ZNF462: variants seen among roughly 807,000 people sequenced by gnomAD.
The protein encoded by ZNF462 is zinc finger PBX1-interacting protein.
ZNF462 carries 10 observed loss-of-function variants against 201.9 expected under a neutral mutation model. The ratio of observed to expected loss-of-function variants is 0.05; its 90% CI spans 0.03 to 0.08. The LOEUF is 0.08. Among genes scored for constraint, ZNF462 ranks in the 10% least tolerant of loss-of-function variants. The pLI, the probability that ZNF462 is intolerant of heterozygous loss-of-function variation, is 1.00. For synonymous variants in ZNF462, 1,227 were observed against 1,193.3 expected, an observed-to-expected ratio of 1.03 and a Z score of -0.58; for missense variants, 2,523 against 3,168.3, an observed-to-expected ratio of 0.80 and a Z score of 4.89.
chr9:106,932,606 G>C lies in ZNF462; in HGVS notation c.6116+57G>C. On this transcript the variant is annotated intron_variant, in intron 5 of 12. Transcript: ENST00000277225. The surrounding 1 kb of genome is among the most constrained non-coding windows in gnomAD (Gnocchi z 6.8). ...CTGGGAGATGATGTCATAGTGGAAG[G>C]CACTAAGCTAAAGCAGAAGCTTGGA... 1.2e-6 allele frequency: 2 copies of C among 1,610,556 alleles called. No homozygotes were observed. Among genetic ancestry groups the C allele is most frequent in the Non-Finnish European group, 1.7e-6 (2 of 1,177,480 alleles).
At position 106,966,791 on chromosome 9, in the gene ZNF462, C is replaced by G. The variant is rs1449771323; in HGVS notation, c.6428-5214C>G. 6.6e-6 allele frequency among the ~76,000 whole-genome samples: 1 copy of G among 152,092 alleles called. No individual in the cohort carries two copies. Among genetic ancestry groups the G allele is most frequent in the Non-Finnish European group, 1.5e-5 (1 of 67,982 alleles). ...TCTAAAATTTGCTTGCCTAAAATTC[C>G]TTGTCTTTTATTTTTTCTTGGTACT... is the stretch of plus-strand genomic sequence containing the variant. On this transcript the variant is annotated intron_variant, in intron 7 of 12. Coordinates refer to ENST00000277225, the MANE Select transcript of ZNF462 (RefSeq NM_021224.6). The surrounding 1 kb of genome is among the most constrained non-coding windows in gnomAD (Gnocchi z 4.4).
rs779360853 is a variant in ZNF462, at chr9:106,925,979, C to T, written c.2067C>T (p.Pro689=). 5 of 1,613,896 alleles carry T rather than the reference C, an allele frequency of 3.1e-6. No homozygotes were observed. Among genetic ancestry groups the T allele is most frequent in the East Asian group, 2.2e-5 (1 of 44,884 alleles). ...LANDFPLDLS[P]VKKRTRIDEI... The stretch of plus-strand genomic sequence containing the variant: ...ATGACTTTCCTCTAGATTTGTCACC[C>T]GTGAAGAAGAGAACCAGGATTGACG... The change falls in exon 3 of 13, where the codon CCC becomes CCT. Residue 689 remains proline (P), a synonymous_variant. Transcript: ENST00000277225. The surrounding 1 kb of genome is among the most constrained non-coding windows in gnomAD (Gnocchi z 7.9).
intron 1 of ZNF462, among the ~76,000 whole-genome samples, chr9:106,864,039 G>GCTCTCTCTCTCTCTCTCT (rs773917122): frequency 8.8e-5 from 2 of 22,760 alleles, no homozygotes; most frequent in African/African-American, 1.2e-4. Context: ...CAGGTATTTG[G>GCTCTCTCTCTCTCTCTCT]CTCTCTCTCT....
intron 7 of ZNF462, among the ~76,000 whole-genome samples, chr9:106,961,189 GGATA>G (rs1038021030): frequency 5.9e-5 from 9 of 151,986 alleles, no homozygotes; most frequent in Non-Finnish European, 1.2e-4. Flanking sequence ...AAAAAATGAG[GGATA>G]GAGAGCTGCA....
chr9:106,927,803 C>T lies in ZNF462; in HGVS notation c.3891C>T (p.Ser1297=), dbSNP rs1830262092. 2.5e-6 allele frequency: 4 copies of T among 1,614,150 alleles called. No homozygotes were observed. The East Asian group carries it at 8.9e-5, about 36-fold the overall frequency. ...DHPALKATVT[S]IMRWAFLDGL... ...CCGCCCTGAAAGCCACAGTCACGTC[C>T]ATCATGCGATGGGCATTTCTAGATG... Residue 1297 remains serine (S), a synonymous_variant, in exon 3 of 13, where the codon TCC becomes TCT. Coordinates refer to ENST00000277225, the MANE Select transcript of ZNF462 (RefSeq NM_021224.6).
In ZNF462 at chr9:106,932,193, A is replaced by G; in HGVS notation, c.6013-253A>G. ...TTTGGGAGAATGTAGGGAGAAAAAGAAAGCTGGAGGCAATGATGATGGATA... is the reference window on the plus strand; with the variant it reads ...TTTGGGAGAATGTAGGGAGAAAAAGGAAGCTGGAGGCAATGATGATGGATA... On this transcript the variant is annotated intron_variant, in intron 4 of 12. Transcript: ENST00000277225. The surrounding 1 kb of genome is among the most constrained non-coding windows in gnomAD (Gnocchi z 6.8). 1 of 1,531,464 alleles carries G rather than the reference A, an allele frequency of 6.5e-7. No homozygotes were observed. Among genetic ancestry groups the G allele is most frequent in the Non-Finnish European group, 8.8e-7 (1 of 1,141,242 alleles). The allele number at this position is 1,531,464 out of a possible 1,614,324, so 94.9% of individuals were successfully genotyped here. A position where few individuals can be genotyped will look rare whatever the true frequency, so the allele number is the denominator to read the frequency against.
chr9:106,908,026 A>G (rs1829346297), intron 1 of ZNF462, among the ~76,000 whole-genome samples: 1 of 151,910 alleles, frequency 6.6e-6, no homozygotes. Flanking sequence ...TCTTTTTTTT[A>G]ACATACCTTT....
Position 106,960,951 on chromosome 9 carries a change from G to C in ZNF462, c.6428-11054G>C, listed in dbSNP as rs75425326. ...GGATAGTCTGTATGCTACATATCTG[G>C]GATGAGTGCATTTCTAATGGAGGAA... On this transcript the variant is annotated intron_variant, in intron 7 of 12. Coordinates refer to ENST00000277225, the MANE Select transcript of ZNF462 (RefSeq NM_021224.6). 6.2e-3 allele frequency among the ~76,000 whole-genome samples: 949 copies of C among 152,110 alleles called. 11 individuals carry two copies. The highest frequency in any genetic ancestry group is 0.021 in the African/African-American group (853 of 41,484).
Position 106,927,618 on chromosome 9 carries a change from C to T in ZNF462, c.3706C>T (p.Leu1236Phe), listed in dbSNP as rs753597456. The change falls in exon 3 of 13, where the codon CTC becomes TTC. Residue 1236 changes from leucine (L) to phenylalanine (F), a missense_variant. Leu to Phe is a conservative substitution (Grantham distance 22). This residue lies in a region of ZNF462 where 222 missense variants were observed against 271.6 expected (regional missense o/e 0.82). Transcript: ENST00000277225. ...IRQHTATIRS[L>F]CDRNQKKPAS... is the part of the protein sequence containing the mutation. ...GCAGCATACGGCCACCATTCGAAGC[C>T]TCTGCGACCGAAATCAGAAGAAGCC... The T allele has an allele frequency of 1.2e-6, 2 of 1,614,004 alleles. No homozygotes were observed. The highest frequency in any genetic ancestry group is 1.7e-6 in the Non-Finnish European group (2 of 1,180,016).
Position 107,009,570 on chromosome 9 carries a change from G to A in ZNF462, c.7215G>A (p.Gly2405=). The A allele has an allele frequency of 6.2e-7, 1 of 1,613,926 alleles. No individual in the cohort carries two copies. Among genetic ancestry groups the A allele is most frequent in the South Asian group, 1.1e-5 (1 of 91,072 alleles). Reference sequence around the variant, plus strand: ...AGCTGATGAGATTTTCTGACCACGGGGCTGCTCTTAACACTGAGAAGCGTT... The same window carrying A: ...AGCTGATGAGATTTTCTGACCACGGAGCTGCTCTTAACACTGAGAAGCGTT... ...DRELMRFSDH[G]AALNTEKRFP... The change falls in exon 12 of 13, where the codon GGG becomes GGA. Residue 2405 remains glycine, a synonymous_variant. Coordinates refer to ENST00000277225, the MANE Select transcript of ZNF462 (RefSeq NM_021224.6). The surrounding 1 kb of genome is among the most constrained non-coding windows in gnomAD (Gnocchi z 6.1).
intron 7 of ZNF462, among the ~76,000 whole-genome samples, chr9:106,944,169 C>T (rs934643622): frequency 4.6e-5 from 7 of 152,166 alleles, no homozygotes; most frequent in East Asian, 1.9e-4. Flanking sequence ...GGAGCAAGTG[C>T]GCACAATTAT....
intron 1 of ZNF462, among the ~76,000 whole-genome samples, chr9:106,881,052 A>G (rs758870244): frequency 6.6e-6 from 1 of 152,182 alleles, no homozygotes; most frequent in Non-Finnish European, 1.5e-5. Flanking sequence ...GCGTCATTCC[A>G]GGCAGGCCTT....
chr9:106,923,698 G>T lies in ZNF462; in HGVS notation c.220+95G>T. On this transcript the variant is annotated intron_variant, in intron 2 of 12. Transcript: ENST00000277225. This position sits in a 1 kb window ranked among gnomAD's most constrained non-coding sequence, Gnocchi z 5.6. ...ATGGTTCTTAATATACGTGGCTTTT[G>T]CAGAGTTTCTTGTGCTTTGCTAGCC... The T allele has an allele frequency of 1.5e-6, 2 of 1,309,508 alleles. No homozygotes were observed. Among genetic ancestry groups the T allele is most frequent in the Non-Finnish European group, 1.1e-6 (1 of 936,312 alleles). 81.1% of individuals were successfully genotyped at this position (1,309,508 alleles called of 1,614,324 possible).
rs1339524805 is a variant in ZNF462, at chr9:106,954,362, CACTT to C, written c.6427+15259_6427+15262del. Among the ~76,000 whole-genome samples the C allele has an allele frequency of 5.3e-5, 8 of 151,994 alleles. No individual in the cohort carries two copies. The highest frequency in any genetic ancestry group is 4.8e-5 in the African/African-American group (2 of 41,386). On this transcript the variant is annotated intron_variant, in intron 7 of 12. Transcript: ENST00000277225. The surrounding 1 kb of genome is among the most constrained non-coding windows in gnomAD (Gnocchi z 4.0). Reference sequence around the variant, plus strand: ...TAAACCATCAGATCTTGTGATAACTCACTTACTGTCACAAGAATAGCATGGAGGA... The same window carrying C: ...TAAACCATCAGATCTTGTGATAACTCACTGTCACAAGAATAGCATGGAGGA...
chr9:106,916,056 A>AT (rs1290104937), intron 1 of ZNF462, among the ~76,000 whole-genome samples: 2 of 152,132 alleles, frequency 1.3e-5, no homozygotes, highest in Non-Finnish European at 2.9e-5. Flanking sequence ...TTAGATTGAG[A>AT]TTTTCCCCCA....
At chr9:106,941,579 TC>T (rs1830871539) in intron 7 of ZNF462, among the ~76,000 whole-genome samples, 1 of 152,252 alleles carries the variant, frequency 6.6e-6, no homozygotes, top group Admixed American at 6.5e-5. Context: ...TATTTAGTGA[TC>T]CGTACACAAA....
At position 106,902,827 on chromosome 9, in the gene ZNF462, A is replaced by G. The variant is rs1829118282; in HGVS notation, c.-30-20527A>G. ...GATTTTCTCTCTTCTTTTCTTGGTT[A>G]ATTTTGCTAATGGTCTATCAATTTT... On this transcript the variant is annotated intron_variant, in intron 1 of 12. Transcript: ENST00000277225. This position sits in a 1 kb window ranked among gnomAD's most constrained non-coding sequence, Gnocchi z 4.2. Among the ~76,000 whole-genome samples, 1 of 151,864 alleles carries G rather than the reference A, an allele frequency of 6.6e-6. No individual in the cohort carries two copies. Among genetic ancestry groups the G allele is most frequent in the Non-Finnish European group, 1.5e-5 (1 of 67,944 alleles).
At position 106,927,201 on chromosome 9, in the gene ZNF462, G is replaced by T; in HGVS notation, c.3289G>T (p.Gly1097Cys). 1.2e-6 allele frequency: 2 copies of T among 1,612,312 alleles called. No individual in the cohort carries two copies. The highest frequency in any genetic ancestry group is 1.3e-5 in the African/African-American group (1 of 74,932). Residue 1097 changes from glycine to cysteine, a missense_variant, in exon 3 of 13, where the codon GGT becomes TGT. Physicochemically the swap from Gly to Cys is radical, Grantham distance 159. Around this residue, in one of 15 missense-constraint regions of ZNF462, gnomAD observed 280 missense variants for 321.3 expected, o/e 0.87. Coordinates refer to ENST00000277225, the MANE Select transcript of ZNF462 (RefSeq NM_021224.6). Reference sequence around the variant, plus strand: ...AATGTCTCCCAAAATGTCCAACATGGGTTCCCCACCCCCCCCACAACCCCC... The same window carrying T: ...AATGTCTCCCAAAATGTCCAACATGTGTTCCCCACCCCCCCCACAACCCCC... ...APMSPKMSNMGSPPPPQPPPP... is the reference protein window; with the variant it reads ...APMSPKMSNMCSPPPPQPPPP...
chr9:106,889,426 G>C (rs1045664467), intron 1 of ZNF462, among the ~76,000 whole-genome samples: 3 of 152,108 alleles, frequency 2.0e-5, no homozygotes, highest in Non-Finnish European at 4.4e-5. Flanking sequence ...GTATAGGTAC[G>C]GGGGAGTCTG....
Sources: allele counts gnomAD v4.1 joint callset (sites outside exome capture counted in the v4.1 genomes callset), GRCh38; gene constraint gnomAD v4.1.1; regional missense constraint gnomAD v4.1.1; non-coding constraint Gnocchi (gnomAD v3.1); transcripts MANE v1.5; gene names NCBI Gene and HGNC (gene_info 2026-07-23, HGNC 2026-07-21).